RUNX1: variants seen among roughly 807,000 people sequenced by gnomAD.
RUNX1 encodes the protein RUNX family transcription factor 1, also known as runt-related transcription factor 1.
Under a neutral mutation model 42.8 loss-of-function variants are expected in RUNX1, and 19 were observed. The observed-to-expected ratio is 0.44, with a 90% confidence interval of 0.31 to 0.65. RUNX1 has a LOEUF of 0.65. Among genes scored for constraint, RUNX1 ranks in the 30% least tolerant of loss-of-function variants. The pLI is 0.07. For synonymous variants in RUNX1, 271 were observed against 289.4 expected (o/e 0.94, Z 0.64); for missense variants, 528 against 672.0 (o/e 0.79, Z 2.37).
rs146286453 is a variant in RUNX1, at chr21:34,907,296, G to T, written c.59-14333C>A. ...AAAGAAGTATGCTGCCATGTGAAAA[G>T]TTTCTAAACAGTGACTTCTAAACAA... On this transcript the variant is annotated intron_variant, in intron 2 of 8. Transcript: ENST00000675419. The surrounding 1 kb of genome is among the most constrained non-coding windows in gnomAD (Gnocchi z 5.3). Among the ~76,000 whole-genome samples the T allele has an allele frequency of 5.5e-3, 832 of 152,276 alleles. 6 individuals are homozygous for T. The highest frequency in any genetic ancestry group is 9.2e-3 in the Non-Finnish European group (629 of 68,016).
At chr21:34,943,373 T>C (rs1324376677) in intron 2 of RUNX1, among the ~76,000 whole-genome samples, 1 of 152,158 alleles carries the variant, frequency 6.6e-6, no homozygotes, top group Non-Finnish European at 1.5e-5. Flanking sequence ...CAATGGACCT[T>C]AGGCCCATTC....
intron 5 of RUNX1, among the ~76,000 whole-genome samples, chr21:34,871,846 CTTT>C (rs10546742): frequency 4.1e-4 from 59 of 143,248 alleles, no homozygotes; most frequent in Middle Eastern, 3.6e-3. Flanking sequence ...GCTTTTATCA[CTTT>C]TTTTTTTTTT....
At chr21:34,869,737 G>A (rs766146325) in intron 5 of RUNX1, among the ~76,000 whole-genome samples, 11 of 152,168 alleles carry the variant, frequency 7.2e-5, no homozygotes, top group East Asian at 1.9e-4. Context: ...GCGAGCTGCC[G>A]TGGCACTGCT....
intron 2 of RUNX1, among the ~76,000 whole-genome samples, chr21:34,911,743 G>A (rs1025249342): frequency 6.6e-6 from 1 of 152,152 alleles, no homozygotes; most frequent in Non-Finnish European, 1.5e-5. Context: ...CTAGACCTGG[G>A]AGCACCTGTC....
intron 6 of RUNX1, among the ~76,000 whole-genome samples, chr21:34,849,972 C>T (rs2057394141): frequency 6.6e-6 from 1 of 151,392 alleles, no homozygotes; most frequent in African/African-American, 2.4e-5. Context: ...TTCCATGAGA[C>T]CCAGTGTATC....
At chr21:34,967,886 A>T (rs1196395259) in intron 2 of RUNX1, among the ~76,000 whole-genome samples, 3 of 152,222 alleles carry the variant, frequency 2.0e-5, no homozygotes, top group Non-Finnish European at 4.4e-5. Flanking sequence ...TTTCCACGTC[A>T]GATTGAAACC....
chr21:34,920,965 T>C (rs927538077), intron 2 of RUNX1, among the ~76,000 whole-genome samples: 1 of 152,186 alleles, frequency 6.6e-6, no homozygotes, highest in Admixed American at 6.5e-5. Context: ...TTCAAGCGAT[T>C]GTCTTGCCTC....
chr21:34,918,886 C>T (rs1304506374), intron 2 of RUNX1, among the ~76,000 whole-genome samples: 1 of 152,074 alleles, frequency 6.6e-6, no homozygotes, highest in African/African-American at 2.4e-5. Context: ...AGCCTGGTGA[C>T]AGAGTGAGAT....
intron 7 of RUNX1, among the ~76,000 whole-genome samples, chr21:34,806,662 C>T (rs2056684526): frequency 6.6e-6 from 1 of 152,190 alleles, no homozygotes; most frequent in African/African-American, 2.4e-5. Flanking sequence ...ACTCTAACAA[C>T]AGCAGAATAC....
At chr21:35,042,172 G>A (rs190495344) in intron 2 of RUNX1, among the ~76,000 whole-genome samples, 2 of 152,266 alleles carry the variant, frequency 1.3e-5, no homozygotes, top group East Asian at 1.9e-4. Flanking sequence ...CTGAAAATAG[G>A]TGTGAACTTG....
intron 2 of RUNX1, among the ~76,000 whole-genome samples, chr21:35,017,678 G>T (rs2059169336): frequency 6.6e-6 from 1 of 152,098 alleles, no homozygotes; most frequent in East Asian, 1.9e-4. Flanking sequence ...AATCACTCTG[G>T]GTCTATGTTT....
chr21:34,906,126 T>G (rs1164885588), intron 2 of RUNX1, among the ~76,000 whole-genome samples: 1 of 152,228 alleles, frequency 6.6e-6, no homozygotes, highest in Non-Finnish European at 1.5e-5. Context: ...TTCTATTTTT[T>G]AAACTAATAT....
At chr21:34,948,067 G>C (rs1249291731) in intron 2 of RUNX1, among the ~76,000 whole-genome samples, 1 of 150,000 alleles carries the variant, frequency 6.7e-6, no homozygotes, top group Admixed American at 6.6e-5. Flanking sequence ...CTCCCACCCC[G>C]ACATAAATTC....
intron 6 of RUNX1, among the ~76,000 whole-genome samples, chr21:34,855,730 C>A (rs1024396962): frequency 6.6e-6 from 1 of 152,040 alleles, no homozygotes; most frequent in Non-Finnish European, 1.5e-5. Flanking sequence ...AACAAACAAA[C>A]AAAAAACTCT....
chr21:34,953,474 A>G lies in RUNX1; in HGVS notation c.59-60511T>C, dbSNP rs552329000. Among the ~76,000 whole-genome samples, 382 of 152,274 alleles carry G rather than the reference A, an allele frequency of 2.5e-3. 2 individuals carry two copies. The highest frequency in any genetic ancestry group is 8.8e-3 in the African/African-American group (366 of 41,552). ...CATGATGTCCAGAGCTCAGGCAGCC[A>G]TCCTGGGCCACAAAACATCATTGTG... is the stretch of plus-strand genomic sequence containing the variant. On this transcript the variant is annotated intron_variant, in intron 2 of 8. Coordinates refer to ENST00000675419, the MANE Select transcript of RUNX1 (RefSeq NM_001754.5).
chr21:35,036,526 G>T (rs1479273139), intron 2 of RUNX1, among the ~76,000 whole-genome samples: 1 of 152,106 alleles, frequency 6.6e-6, no homozygotes, highest in African/African-American at 2.4e-5. Context: ...GTCTGTTGTA[G>T]AATAACCAGA....
At position 34,792,320 on chromosome 21, in the gene RUNX1, C is replaced by T. The variant is rs1477123742; in HGVS notation, c.1258G>A (p.Gly420Ser). ...ATGCGCGGCGGCGAGCGCTCGCCGC[C>T]CACCATGGAGAACTGGTAGGAGCCG... ...SAGSYQFSMVGGERSPPRILP... is the reference protein window; with the variant it reads ...SAGSYQFSMVSGERSPPRILP... Residue 420 changes from glycine to serine, a missense_variant, in exon 9 of 9, where the codon GGC (glycine) becomes AGC (serine). By Grantham distance (56) the Gly-to-Ser change is moderately conservative. Around this residue, in one of 3 missense-constraint regions of RUNX1, gnomAD observed 331 missense variants for 382.5 expected, o/e 0.87. Transcript: ENST00000675419. The surrounding 1 kb of genome is among the most constrained non-coding windows in gnomAD (Gnocchi z 6.9). The T allele has an allele frequency of 1.3e-6, 2 of 1,550,260 alleles. No individual in the cohort carries two copies. The highest frequency in any genetic ancestry group is 1.7e-6 in the Non-Finnish European group (2 of 1,148,196).
chr21:34,834,704 T>G lies in RUNX1; in HGVS notation c.614-103A>C. On this transcript the variant is annotated intron_variant, in intron 6 of 8. Coordinates refer to ENST00000675419, the MANE Select transcript of RUNX1 (RefSeq NM_001754.5). ...TTTCCTAAAACTGGGGCTTTTCTTG[T>G]CTTTCCCCTCTCTCTCCCCTCACCC... is the stretch of plus-strand genomic sequence containing the variant. The G allele has an allele frequency of 9.9e-6, 10 of 1,011,562 alleles. No individual in the cohort carries two copies. The South Asian group carries it at 1.0e-4, about 11-fold the overall frequency. 62.7% of individuals were successfully genotyped at this position (1,011,562 alleles called of 1,614,324 possible). A position where few individuals can be genotyped will look rare whatever the true frequency, so the allele number is the denominator to read the frequency against.
chr21:34,870,423 G>A (rs1463567211), intron 5 of RUNX1, among the ~76,000 whole-genome samples: 5 of 152,230 alleles, frequency 3.3e-5, no homozygotes, highest in Non-Finnish European at 7.3e-5. Context: ...AACCAGGGGC[G>A]ATTTGCCCCC....
Sources: gnomAD v4.1 joint callset for allele counts (sites outside exome capture counted in the v4.1 genomes callset) on GRCh38, gnomAD v4.1.1 for gene constraint, gnomAD v4.1.1 regional missense constraint, Gnocchi (gnomAD v3.1) non-coding constraint, MANE v1.5 for transcripts, NCBI Gene and HGNC (gene_info 2026-07-23, HGNC 2026-07-21) for gene names.